TCF12: variants seen among roughly 807,000 people sequenced by gnomAD.
TCF12 encodes the protein DNA-binding protein HTF4.
TCF12 carries 45 observed loss-of-function variants against 86.0 expected under a neutral mutation model. The observed-to-expected ratio is 0.52, with a 90% CI of 0.41 to 0.67. TCF12 has a LOEUF of 0.67. Ranked by LOEUF, TCF12 falls within the 30% of genes least tolerant of loss-of-function variation. The probability of loss-of-function intolerance (pLI) is 0.00; values close to 1 mark genes in which losing one functional copy is unlikely to be tolerated. For missense variants in TCF12, 881 were observed against 859.9 expected (o/e 1.02, Z -0.31); for synonymous variants, 330 against 299.6 (o/e 1.10, Z -1.05).
At chr15:57,104,836 A>G (rs189036888) in intron 5 of TCF12, among the ~76,000 whole-genome samples, 6 of 123,376 alleles carry the variant, frequency 4.9e-5, no homozygotes, top group Middle Eastern at 5.2e-3. Flanking sequence ...TCCTTTTCTC[A>G]TCTATCTTGC....
At chr15:57,232,966 GTATATATGT>G (rs1163183856) in intron 11 of TCF12, 110 bp downstream of exon 11, 2 of 613,944 alleles carry the variant, frequency 3.3e-6, no homozygotes, top group Admixed American at 5.1e-5. Flanking sequence ...TTATATATAT[GTATATATGT>G]TATATATGTA....
At chr15:57,174,729 A>G (rs918312620) in intron 6 of TCF12, among the ~76,000 whole-genome samples, 2 of 152,228 alleles carry the variant, frequency 1.3e-5, no homozygotes. Context: ...TCTGTACACT[A>G]TCAGCAAAAA....
At chr15:57,235,849 G>A (rs1230377598) in intron 12 of TCF12, among the ~76,000 whole-genome samples, 1 of 152,044 alleles carries the variant, frequency 6.6e-6, no homozygotes, top group Non-Finnish European at 1.5e-5. Flanking sequence ...TTGGCCTACA[G>A]GCAGGCAAGA....
chr15:57,131,838 A>T (rs1328951737), intron 5 of TCF12, among the ~76,000 whole-genome samples: 1 of 152,238 alleles, frequency 6.6e-6, no homozygotes, highest in Non-Finnish European at 1.5e-5. Context: ...AACAAATAGT[A>T]AGAACCTGAA....
chr15:56,985,816 C>G (rs1271995809), intron 3 of TCF12, among the ~76,000 whole-genome samples: 1 of 152,114 alleles, frequency 6.6e-6, no homozygotes, highest in African/African-American at 2.4e-5. Flanking sequence ...AAATGAAGAA[C>G]TCAGTGACTA....
At chr15:57,086,215 A>AATAAT (rs2048617152) in intron 4 of TCF12, among the ~76,000 whole-genome samples, 1 of 129,036 alleles carries the variant, frequency 7.7e-6, no homozygotes, top group African/African-American at 3.2e-5. Flanking sequence ...TGATGATGAT[A>AATAAT]ATAATAATAA....
At chr15:57,221,369 G>GGGTATGTGTT (rs1300104409) in intron 8 of TCF12, among the ~76,000 whole-genome samples, 2 of 130,592 alleles carry the variant, frequency 1.5e-5, no homozygotes, top group Non-Finnish European at 3.2e-5. Context: ...CATGGTATGT[G>GGGTATGTGTT]GGTATGTGTG....
At chr15:57,213,691 C>G (rs1430605331) in intron 8 of TCF12, among the ~76,000 whole-genome samples, 3 of 152,038 alleles carry the variant, frequency 2.0e-5, no homozygotes, top group Non-Finnish European at 4.4e-5. Flanking sequence ...AAAAAAATCG[C>G]ACAGGCCAAA....
At chr15:57,163,371 C>T (rs1263958870) in intron 5 of TCF12, among the ~76,000 whole-genome samples, 1 of 152,100 alleles carries the variant, frequency 6.6e-6, no homozygotes, top group East Asian at 1.9e-4. Context: ...AATCTGACAT[C>T]TGTTAACCCT....
At chr15:56,950,051 A>G (rs1386883030) in intron 3 of TCF12, among the ~76,000 whole-genome samples, 1 of 152,176 alleles carries the variant, frequency 6.6e-6, no homozygotes, top group African/African-American at 2.4e-5. Context: ...TAAATGGGAA[A>G]CCATCACCAC....
chr15:57,279,114 C>G (rs2061562461), intron 19 of TCF12, among the ~76,000 whole-genome samples: 1 of 152,000 alleles, frequency 6.6e-6, no homozygotes, highest in South Asian at 2.1e-4. Context: ...CCTACCTCAG[C>G]CCCCTCAGTA....
chr15:57,090,878 T>C (rs2048951331), intron 4 of TCF12, among the ~76,000 whole-genome samples: 1 of 152,196 alleles, frequency 6.6e-6, no homozygotes, highest in South Asian at 2.1e-4. Context: ...CAATATGATT[T>C]TGGAGGTAAT....
intron 4 of TCF12, among the ~76,000 whole-genome samples, chr15:57,081,911 G>A (rs2048340400): frequency 6.6e-6 from 1 of 152,124 alleles, no homozygotes; most frequent in Non-Finnish European, 1.5e-5. Flanking sequence ...CCTCAAATTA[G>A]GGAGGATGAG....
chr15:57,001,012 AT>A lies in TCF12; in HGVS notation c.149-62719del, dbSNP rs71113050. On this transcript the variant is annotated intron_variant, in intron 3 of 20. Coordinates refer to ENST00000333725, the MANE Select transcript of TCF12 (RefSeq NM_207037.2). ...TTAAATTTTTAAAAATTTAAAAAAAATTTTTTTTTTTTTTTTTTTGAGACGG... is the reference window on the plus strand; with the variant it reads ...TTAAATTTTTAAAAATTTAAAAAAAATTTTTTTTTTTTTTTTTTGAGACGG... Among the ~76,000 whole-genome samples, 691 of 126,738 alleles carry A rather than the reference AT, an allele frequency of 5.5e-3. 4 individuals carry two copies. The highest frequency in any genetic ancestry group is 0.033 in the South Asian group (128 of 3,928). 83.1% of individuals were successfully genotyped at this position (126,738 alleles called of 152,430 possible).
At chr15:57,102,792 T>C (rs1386635897) in intron 5 of TCF12, among the ~76,000 whole-genome samples, 2 of 152,188 alleles carry the variant, frequency 1.3e-5, no homozygotes, top group African/African-American at 4.8e-5. Flanking sequence ...TCTGTTGTTT[T>C]GTTTTCAAAT....
intron 3 of TCF12, among the ~76,000 whole-genome samples, chr15:57,054,198 G>A (rs1347230160): frequency 1.3e-5 from 2 of 152,104 alleles, no homozygotes; most frequent in South Asian, 2.1e-4. Context: ...GAGTACATGG[G>A]CCTCATTACA....
chr15:57,007,713 C>A (rs1261749461), intron 3 of TCF12, among the ~76,000 whole-genome samples: 1 of 152,016 alleles, frequency 6.6e-6, no homozygotes, highest in East Asian at 1.9e-4. Context: ...TTGAGAAATA[C>A]CTTCTGAAAA....
chr15:57,126,745 AGG>A (rs1394238158), intron 5 of TCF12, among the ~76,000 whole-genome samples: 1 of 152,126 alleles, frequency 6.6e-6, no homozygotes, highest in African/African-American at 2.4e-5. Context: ...GATTCTCAAA[AGG>A]TCACAGTGAG....
At chr15:57,272,983 T>G (rs1422403698) in intron 18 of TCF12, 47 bp from the exon 19 acceptor site, 1 of 1,550,174 alleles carries the variant, frequency 6.5e-7, no homozygotes, top group African/African-American at 1.4e-5. Flanking sequence ...CAGCATATCT[T>G]ACTTTATAGG....
Sources: gnomAD v4.1 joint callset for allele counts (sites outside exome capture counted in the v4.1 genomes callset) on GRCh38, gnomAD v4.1.1 for gene constraint, MANE v1.5 for transcripts, NCBI Gene and HGNC (gene_info 2026-07-23, HGNC 2026-07-21) for gene names.